ANKRD54: variants seen among roughly 807,000 people sequenced by gnomAD.
ANKRD54 encodes ankyrin repeat domain-containing protein 54.
Under a neutral mutation model 36.2 loss-of-function variants are expected in ANKRD54, and 26 were observed. The ratio of observed to expected loss-of-function variants is 0.72; its 90% CI spans 0.53 to 1.00. The LOEUF (loss-of-function observed/expected upper bound fraction) is 1.00. Among genes scored for constraint, ANKRD54 ranks in the 50% least tolerant of loss-of-function variants. ANKRD54 has a pLI of 0.00. For missense variants in ANKRD54, 384 were observed against 424.3 expected (o/e 0.91, Z 0.83); for synonymous variants, 209 against 188.4 (o/e 1.11, Z -0.89).
chr22:37,832,596 TCCTGCCA>T (rs1197461426), intron 7 of ANKRD54, 34 bp downstream of exon 7: 8 of 1,592,734 alleles, frequency 5.0e-6, no homozygotes, highest in Non-Finnish European at 6.9e-6. Flanking sequence ...GCCCTGAGGC[TCCTGCCA>T]GGCCCTGGGT....
At chr22:37,832,115 C>G in intron 7 of ANKRD54, 98 bp from the exon 8 acceptor site, 1 of 1,184,226 alleles carries the variant, frequency 8.4e-7, no homozygotes, top group Non-Finnish European at 1.2e-6. Flanking sequence ...CAGGCACGGT[C>G]TCTCCTCCCA....
chr22:37,847,075 G>A (rs574343871), upstream of ANKRD54, among the ~76,000 whole-genome samples: 525 of 151,088 alleles, frequency 3.5e-3, 2 homozygotes, highest in Middle Eastern at 0.017. Context: ...GGATGGTCTC[G>A]ATCTCCTGAC....
At chr22:37,846,067 C>A (rs1601744600), upstream of ANKRD54, among the ~76,000 whole-genome samples, 1 of 151,582 alleles carries the variant, frequency 6.6e-6, no homozygotes, top group Middle Eastern at 3.4e-3. Context: ...CCCAGCTACT[C>A]AGGAGGCTGA....
chr22:37,839,361 CACA>C (rs1349040392), intron 2 of ANKRD54, among the ~76,000 whole-genome samples: 3 of 152,072 alleles, frequency 2.0e-5, no homozygotes, highest in African/African-American at 4.8e-5. Context: ...CTCTAATTTC[CACA>C]ACATTTTTAA....
chr22:37,847,712 A>C (rs766475100), upstream of ANKRD54: 7 of 460,650 alleles, frequency 1.5e-5, no homozygotes, highest in Non-Finnish European at 2.6e-5. Flanking sequence ...TCCCTGAACC[A>C]AGGAAGAGAC....
chr22:37,831,744 G>A lies in ANKRD54; in HGVS notation c.*199C>T, dbSNP rs1922903531. The A allele has an allele frequency of 3.4e-6, 2 of 588,814 alleles. No homozygotes were observed. Among genetic ancestry groups the A allele is most frequent in the Non-Finnish European group, 6.0e-6 (2 of 330,646 alleles). The allele number at this position is 588,814 out of a possible 1,614,324, so 36.5% of individuals were successfully genotyped here. A position where few individuals can be genotyped will look rare whatever the true frequency, so the allele number is the denominator to read the frequency against. ...CTGGGAGCTGTGGTCCCTGTCCACA[G>A]AGATGCTGGAAACTGTGGCTGGGAG... On this transcript the variant is annotated 3_prime_UTR_variant, in exon 8 of 8. Transcript: ENST00000215941.
At chr22:37,840,095 G>C (rs564209234) in intron 2 of ANKRD54, 92 bp downstream of exon 2, 18 of 1,452,746 alleles carry the variant, frequency 1.2e-5, no homozygotes, top group African/African-American at 1.1e-4. Context: ...GCGTGAGTTT[G>C]CAGACTGCCT....
chr22:37,831,878 T>C lies in ANKRD54; in HGVS notation c.*65A>G. The C allele has an allele frequency of 6.4e-7, 1 of 1,557,006 alleles. No homozygotes were observed. The highest frequency in any genetic ancestry group is 8.8e-7 in the Non-Finnish European group (1 of 1,137,496). ...TCCAAGTCCCAGATGTTGGGCTTTT[T>C]CTTGGTACTGAGACAGCAGTGGGGC... On this transcript the variant is annotated 3_prime_UTR_variant, in exon 8 of 8. Transcript: ENST00000215941.
chr22:37,841,971 C>T (rs1331160059), intron 1 of ANKRD54, among the ~76,000 whole-genome samples: 1 of 142,336 alleles, frequency 7.0e-6, no homozygotes, highest in Non-Finnish European at 1.5e-5. Context: ...GGCTGAGACA[C>T]GAGAATCACT....
rs1924640693 is a variant in ANKRD54, at chr22:37,844,096, C to T, written c.143G>A (p.Gly48Asp). ...SFADFGSALGGGGAGLSGRAS... is the reference protein window; with the variant it reads ...SFADFGSALGDGGAGLSGRAS... ...CCGGCCCGAGAGGCCCGCGCCGCCGCCGCCCAGCGCAGACCCGAAGTCAGC... is the reference window on the plus strand; with the variant it reads ...CCGGCCCGAGAGGCCCGCGCCGCCGTCGCCCAGCGCAGACCCGAAGTCAGC... Residue 48 changes from glycine (G) to aspartate (D), a missense_variant, in exon 1 of 8, where the codon GGC becomes GAC. Coordinates refer to ENST00000215941, the MANE Select transcript of ANKRD54 (RefSeq NM_138797.4). The T allele has an allele frequency of 1.4e-6, 2 of 1,455,358 alleles. No individual in the cohort carries two copies. Among genetic ancestry groups the T allele is most frequent in the Admixed American group, 5.6e-5 (2 of 35,916 alleles). The allele number at this position is 1,455,358 out of a possible 1,614,324, so 90.2% of individuals were successfully genotyped here.
chr22:37,838,641 G>T, intron 2 of ANKRD54, 43 bp from the exon 3 acceptor site: 1 of 1,572,288 alleles, frequency 6.4e-7, no homozygotes. Flanking sequence ...AGAAAGCGGC[G>T]ATGTTAGCTA....
At chr22:37,845,832 G>A (rs1924807376), upstream of ANKRD54, among the ~76,000 whole-genome samples, 1 of 151,674 alleles carries the variant, frequency 6.6e-6, no homozygotes, top group Non-Finnish European at 1.5e-5. Flanking sequence ...TCGCACCATG[G>A]CACTCCAGCC....
chr22:37,844,970 T>A (rs1165029195), upstream of ANKRD54, among the ~76,000 whole-genome samples: 1 of 136,596 alleles, frequency 7.3e-6, no homozygotes, highest in Non-Finnish European at 1.5e-5. Context: ...CAAAGGAAAA[T>A]GAAGAAGCCA....
chr22:37,838,981 A>T (rs8136353), intron 2 of ANKRD54, among the ~76,000 whole-genome samples: 10,906 of 152,058 alleles, frequency 0.072, 1,310 homozygotes, highest in African/African-American at 0.25. Context: ...GGCCTATGCT[A>T]TGCTCCCAGC....
At chr22:37,833,290 C>T (rs13056924) in intron 4 of ANKRD54, 84 bp from the exon 5 acceptor site, 1 of 1,541,126 alleles carries the variant, frequency 6.5e-7, no homozygotes, top group African/African-American at 1.4e-5. Context: ...AGGGCTGTGT[C>T]TCCCAGACGC....
intron 1 of ANKRD54, among the ~76,000 whole-genome samples, chr22:37,843,389 C>G (rs1002853502): frequency 2.0e-5 from 3 of 152,212 alleles, no homozygotes; most frequent in East Asian, 3.9e-4. Flanking sequence ...CGCCACTGCA[C>G]TCCAGCCTGG....
chr22:37,845,940 T>C (rs58243671), upstream of ANKRD54, among the ~76,000 whole-genome samples: 8,436 of 152,048 alleles, frequency 0.055, 765 homozygotes, highest in African/African-American at 0.19. Flanking sequence ...TTTGGGAGGC[T>C]GAGGCAGGCA....
chr22:37,848,531 G>C (rs747941569), upstream of ANKRD54: 12 of 151,832 alleles, frequency 7.9e-5, no homozygotes, highest in Non-Finnish European at 1.6e-4. Flanking sequence ...GAGTAGCTGG[G>C]ATTACAGGCG....
chr22:37,833,186 G>C lies in ANKRD54; in HGVS notation c.568C>G (p.Pro190Ala). 11 of 1,613,788 alleles carry C rather than the reference G, an allele frequency of 6.8e-6. No individual in the cohort carries two copies. The highest frequency in any genetic ancestry group is 8.5e-6 in the Non-Finnish European group (10 of 1,180,022). Residue 190 changes from proline to alanine, a missense_variant, in exon 5 of 8, where the codon CCT (proline) becomes GCT (alanine). Physicochemically the swap from Pro to Ala is conservative, Grantham distance 27. Around this residue, in one of 3 missense-constraint regions of ANKRD54, gnomAD observed 179 missense variants for 224.0 expected, o/e 0.80. Coordinates refer to ENST00000215941, the MANE Select transcript of ANKRD54 (RefSeq NM_138797.4). The stretch of plus-strand genomic sequence containing the variant: ...CCTCGTAGCAGTGTGGTGATGACAG[G>C]AACGTGGTTGGTGCAGGCCGCTGAG... ...LHLAACTNHV[P>A]VITTLLRGGA...
Sources: allele counts gnomAD v4.1 joint callset (sites outside exome capture counted in the v4.1 genomes callset), GRCh38; gene constraint gnomAD v4.1.1; regional missense constraint gnomAD v4.1.1; transcripts MANE v1.5; gene names NCBI Gene and HGNC (gene_info 2026-07-23, HGNC 2026-07-21).